The following TEKT5 variants were observed in gnomAD, a reference collection of about 807,000 sequenced individuals.
TEKT5 encodes tektin 5, also known as tektin-5.
A neutral mutation model predicts 48.7 loss-of-function variants in TEKT5; 52 were observed. That is an observed-to-expected ratio of 1.07 (90% CI 0.86 to 1.35). The LOEUF is 1.35. Ranked by LOEUF, TEKT5 falls within the 40% of genes most tolerant of loss-of-function variation. The probability of loss-of-function intolerance (pLI) is 0.00; values close to 1 mark genes in which losing one functional copy is unlikely to be tolerated. For synonymous variants in TEKT5, 318 were observed against 267.6 expected (o/e 1.19, Z -1.84); for missense variants, 831 against 641.6 (o/e 1.30, Z -3.19).
intron 5 of TEKT5, among the ~76,000 whole-genome samples, chr16:10,648,516 G>C (rs187211411): frequency 6.6e-6 from 1 of 152,210 alleles, no homozygotes; most frequent in African/African-American, 2.4e-5. Flanking sequence ...TTTGTTAGTA[G>C]AGACAGGGTT....
chr16:10,639,005 C>A lies in TEKT5; in HGVS notation c.1087-3087G>T, dbSNP rs541730580. On this transcript the variant is annotated intron_variant, in intron 5 of 6. Coordinates refer to ENST00000283025, the MANE Select transcript of TEKT5 (RefSeq NM_144674.2). ...TTACAACATAAGGGTCCCAAAGGCA[C>A]CTTCAAATCATACTCAAGTTTGGGT... Among the ~76,000 whole-genome samples, 8 of 152,270 alleles carry A rather than the reference C, an allele frequency of 5.3e-5. No individual in the cohort carries two copies. In the East Asian group the frequency reaches 1.5e-3, roughly 29 times the overall value.
intron 5 of TEKT5, among the ~76,000 whole-genome samples, chr16:10,647,284 A>G (rs193234385): frequency 3.3e-5 from 5 of 152,018 alleles, no homozygotes; most frequent in African/African-American, 1.2e-4. Flanking sequence ...CTTGGGTAGC[A>G]TGGTGAGACC....
At chr16:10,672,735 G>C (rs1898568892) in intron 5 of TEKT5, among the ~76,000 whole-genome samples, 1 of 152,150 alleles carries the variant, frequency 6.6e-6, no homozygotes. Flanking sequence ...AAATCAACTA[G>C]TACATTAAGA....
At chr16:10,659,206 CAT>C (rs925570272) in intron 5 of TEKT5, among the ~76,000 whole-genome samples, 2 of 152,192 alleles carry the variant, frequency 1.3e-5, no homozygotes, top group Non-Finnish European at 2.9e-5. Context: ...ACTGGTCACA[CAT>C]GTGCGCACAC....
intron 5 of TEKT5, among the ~76,000 whole-genome samples, chr16:10,666,420 G>A (rs59393710): frequency 0.012 from 1,896 of 152,230 alleles, 42 homozygotes; most frequent in African/African-American, 0.043. Flanking sequence ...TCTTTGCTGT[G>A]GGGGGCTGCC....
intron 5 of TEKT5, among the ~76,000 whole-genome samples, chr16:10,674,668 CTTTA>C (rs1356543874): frequency 2.2e-5 from 3 of 135,778 alleles, no homozygotes; most frequent in South Asian, 4.8e-4. Context: ...GAAAAATAAA[CTTTA>C]TTTATTTATT....
chr16:10,683,464 C>T (rs557846229), intron 3 of TEKT5, among the ~76,000 whole-genome samples: 2 of 152,298 alleles, frequency 1.3e-5, no homozygotes, highest in Admixed American at 1.3e-4. Context: ...GTTGGTATCT[C>T]GGCTAAGAAG....
chr16:10,663,463 C>T (rs1012702353), intron 5 of TEKT5, among the ~76,000 whole-genome samples: 3 of 152,150 alleles, frequency 2.0e-5, no homozygotes, highest in African/African-American at 7.2e-5. Flanking sequence ...TGGCTCAGTG[C>T]AGATCCCCAG....
intron 5 of TEKT5, among the ~76,000 whole-genome samples, chr16:10,660,202 T>C (rs1282783070): frequency 1.3e-5 from 2 of 152,142 alleles, no homozygotes; most frequent in Non-Finnish European, 2.9e-5. Context: ...AACCCACTTA[T>C]TCCAGTGTAA....
chr16:10,653,978 G>A (rs1220151096), intron 5 of TEKT5, among the ~76,000 whole-genome samples: 1 of 152,064 alleles, frequency 6.6e-6, no homozygotes, highest in Non-Finnish European at 1.5e-5. Context: ...GGGGAACTAA[G>A]TAAAATTGTG....
intron 3 of TEKT5, among the ~76,000 whole-genome samples, chr16:10,685,816 T>C (rs1898853825): frequency 6.6e-6 from 1 of 152,172 alleles, no homozygotes; most frequent in South Asian, 2.1e-4. Context: ...TGGGACTGTC[T>C]CCATCTGTCT....
At chr16:10,689,908 T>A (rs1438224965) in intron 2 of TEKT5, 34 bp downstream of exon 2, 1 of 1,610,994 alleles carries the variant, frequency 6.2e-7, no homozygotes, top group South Asian at 1.1e-5. Flanking sequence ...CCCGCCTCCT[T>A]CAGGGGGCTG....
At chr16:10,657,444 C>A (rs1473676311) in intron 5 of TEKT5, among the ~76,000 whole-genome samples, 3 of 152,018 alleles carry the variant, frequency 2.0e-5, no homozygotes, top group Non-Finnish European at 2.9e-5. Flanking sequence ...TGCTTTTAAA[C>A]AACTGTATTT....
intron 5 of TEKT5, among the ~76,000 whole-genome samples, chr16:10,651,022 G>C (rs1898147980): frequency 6.6e-6 from 1 of 152,212 alleles, no homozygotes; most frequent in Admixed American, 6.5e-5. Context: ...CGGCTGCATG[G>C]GCTGGCCAGG....
intron 5 of TEKT5, among the ~76,000 whole-genome samples, chr16:10,643,231 T>G (rs1404010488): frequency 6.6e-6 from 1 of 151,582 alleles, no homozygotes; most frequent in Non-Finnish European, 1.5e-5. Context: ...AAAAAAAAAT[T>G]TTCTGGGCCT....
intron 5 of TEKT5, chr16:10,671,641 T>C (rs1018576280): frequency 2.0e-5 from 3 of 152,236 alleles, no homozygotes; most frequent in Non-Finnish European, 4.4e-5. Flanking sequence ...TCTGTTCTAA[T>C]GCTGCTGCTA....
intron 6 of TEKT5, among the ~76,000 whole-genome samples, chr16:10,632,553 C>A (rs546900657): frequency 7.9e-4 from 120 of 152,186 alleles, no homozygotes; most frequent in African/African-American, 2.7e-3. Context: ...ACCTCAGCCT[C>A]CCAAAGTGCT....
intron 5 of TEKT5, among the ~76,000 whole-genome samples, chr16:10,638,861 A>G (rs1169443204): frequency 6.6e-6 from 1 of 152,256 alleles, no homozygotes; most frequent in Admixed American, 6.5e-5. Context: ...GGAAAGAGAC[A>G]GACAAGACTA....
chr16:10,670,591 T>A (rs1385894224), intron 5 of TEKT5, among the ~76,000 whole-genome samples: 4 of 152,178 alleles, frequency 2.6e-5, no homozygotes, highest in Non-Finnish European at 5.9e-5. Flanking sequence ...TGCTATACAT[T>A]TATCTTCATT....
Sources: allele counts gnomAD v4.1 joint callset (sites outside exome capture counted in the v4.1 genomes callset), GRCh38; gene constraint gnomAD v4.1.1; transcripts MANE v1.5; gene names NCBI Gene and HGNC (gene_info 2026-07-23, HGNC 2026-07-21).